The following NLRP7 variants were observed in gnomAD, a reference collection of about 807,000 sequenced individuals.
The protein encoded by NLRP7 is NLR family pyrin domain containing 7, also known as NACHT, LRR and PYD domains-containing protein 7.
Under a neutral mutation model 85.5 loss-of-function variants are expected in NLRP7, and 72 were observed. The observed-to-expected ratio is 0.84, with a 90% CI of 0.70 to 1.02. The LOEUF is 1.02. Among genes scored for constraint, NLRP7 ranks in the 50% least tolerant of loss-of-function variants. The pLI is 0.00. For missense variants in NLRP7, 1,243 were observed against 1,219.5 expected, an observed-to-expected ratio of 1.02 and a Z score of -0.29; for synonymous variants, 550 against 505.2, an observed-to-expected ratio of 1.09 and a Z score of -1.19.
chr19:54,960,769 T>A (rs930735090), intron 1 of NLRP7, among the ~76,000 whole-genome samples: 1 of 151,246 alleles, frequency 6.6e-6, no homozygotes, highest in Non-Finnish European at 1.5e-5. Flanking sequence ...CTAATTTTTT[T>A]AATTTTTAGT....
rs1291729680 is a variant in NLRP7, at chr19:54,964,238, A to T, written c.-77+1802T>A. 1.1e-4 allele frequency among the ~76,000 whole-genome samples: 9 copies of T among 82,494 alleles called. No homozygotes were observed. In the South Asian group the frequency reaches 3.2e-3, roughly 30 times the overall value. The allele number at this position is 82,494 out of a possible 152,430, so 54.1% of individuals were successfully genotyped here. Reference sequence around the variant, plus strand: ...TTTTTTTTTTTTTTTTTTTTTTGAGATGGAGCCTTGCTCTGTCGCCCAGGC... The same window carrying T: ...TTTTTTTTTTTTTTTTTTTTTTGAGTTGGAGCCTTGCTCTGTCGCCCAGGC... On this transcript the variant is annotated intron_variant, in intron 1 of 2. Transcript: ENST00000587103.
upstream of NLRP7, chr19:54,947,872 C>A: frequency 4.2e-6 from 1 of 239,740 alleles, no homozygotes; most frequent in South Asian, 4.4e-5. Flanking sequence ...AAAAATTAAA[C>A]AAAAATAAAT....
At chr19:54,938,955 G>C (rs1467510428) in exon 4 of NLRP7, 4 of 1,614,012 alleles carry the variant, frequency 2.5e-6, no homozygotes, top group Non-Finnish European at 3.4e-6. Flanking sequence ...GCTACCTGCA[G>C]TGAGAGTTTC....
chr19:54,947,595 C>T (rs2069530930), upstream of NLRP7: 3 of 1,289,628 alleles, frequency 2.3e-6, no homozygotes, highest in Middle Eastern at 4.3e-4. Context: ...GGAACCGCCC[C>T]ACTGAGATTA....
chr19:54,935,561 T>C (rs1248552588), intron 6 of NLRP7, among the ~76,000 whole-genome samples: 1 of 148,556 alleles, frequency 6.7e-6, no homozygotes, highest in Admixed American at 6.7e-5. Context: ...CCAGGCGTGG[T>C]GGTGCACGCC....
intron 1 of NLRP7, among the ~76,000 whole-genome samples, chr19:54,964,217 T>G (rs1367743593): frequency 1.6e-5 from 2 of 125,554 alleles, no homozygotes; most frequent in Admixed American, 8.2e-5. Flanking sequence ...TGGTGTTTTT[T>G]TTTTTTTTTT....
upstream of NLRP7, among the ~76,000 whole-genome samples, chr19:54,949,603 C>T (rs991837868): frequency 6.6e-6 from 1 of 152,022 alleles, no homozygotes; most frequent in African/African-American, 2.4e-5. Context: ...AATGAGGTGA[C>T]TTTTGGAAAG....
In NLRP7 at chr19:54,939,188, G is replaced by A. The variant is rs2069085970; in HGVS notation, c.1631C>T (p.Pro544Leu). The A allele has an allele frequency of 5.0e-6, 8 of 1,614,208 alleles. No individual in the cohort carries two copies. The highest frequency in any genetic ancestry group is 3.3e-5 in the South Asian group (3 of 91,082). The change falls in exon 4 of 10, where the codon CCG becomes CTG. Residue 544 changes from proline to leucine, a missense_variant. Around this residue, in one of 3 missense-constraint regions of NLRP7, gnomAD observed 613 missense variants for 588.4 expected, o/e 1.04. Transcript: ENST00000340844. Reference sequence around the variant, plus strand: ...TTGCAGCAATTCCTGTTTGATGTCCGGTGACATCCGGCAGCCAAAAGTGGC... The same window carrying A: ...TTGCAGCAATTCCTGTTTGATGTCCAGTGACATCCGGCAGCCAAAAGTGGC...
At chr19:54,931,098 G>A (rs1478985566) in intron 8 of NLRP7, among the ~76,000 whole-genome samples, 1 of 152,158 alleles carries the variant, frequency 6.6e-6, no homozygotes, top group Admixed American at 6.5e-5. Context: ...ATGAACTGGA[G>A]CTATATACTT....
At chr19:54,940,696 C>T (rs922865483) in intron 3 of NLRP7, among the ~76,000 whole-genome samples, 5 of 151,794 alleles carry the variant, frequency 3.3e-5, no homozygotes, top group African/African-American at 4.8e-5. Context: ...GGGGTAGTGG[C>T]GGCCGCCTGT....
At chr19:54,940,344 G>T in exon 4 of NLRP7, 1 of 1,614,198 alleles carries the variant, frequency 6.2e-7, no homozygotes, top group Non-Finnish European at 8.5e-7. Flanking sequence ...TTCAAGAATG[G>T]AATGAACCGT....
intron 1 of NLRP7, among the ~76,000 whole-genome samples, chr19:54,964,729 G>T (rs1756105116): frequency 6.9e-6 from 1 of 144,408 alleles, no homozygotes; most frequent in Non-Finnish European, 1.5e-5. Context: ...GGGAGGCTGA[G>T]GCAGGGGAAT....
rs886054631 is a variant in NLRP7 at position 54,923,557 on chromosome 19, C to T, written c.*183G>A. 4.3e-6 allele frequency: 3 copies of T among 697,330 alleles called. No individual in the cohort carries two copies. Among genetic ancestry groups the T allele is most frequent in the Admixed American group, 2.2e-5 (1 of 45,512 alleles). The allele number at this position is 697,330 out of a possible 1,614,324, so 43.2% of individuals were successfully genotyped here. A position where few individuals can be genotyped will look rare whatever the true frequency, so the allele number is the denominator to read the frequency against. On this transcript the variant is annotated 3_prime_UTR_variant, in exon 10 of 10. Coordinates refer to ENST00000340844, the Ensembl canonical transcript of NLRP7. ...ATTATCCCTGTGAGAAAGTACATAG[C>T]GTCATGTGAAGGGGGTGCGTGACTC...
At chr19:54,935,555 G>C (rs2068877628) in intron 6 of NLRP7, among the ~76,000 whole-genome samples, 1 of 150,192 alleles carries the variant, frequency 6.7e-6, no homozygotes, top group South Asian at 2.1e-4. Context: ...CATTTGCCAG[G>C]CGTGGTGGTG....
At chr19:54,925,654 CAGAAA>C (rs1237624313) in intron 9 of NLRP7, among the ~76,000 whole-genome samples, 6 of 152,140 alleles carry the variant, frequency 3.9e-5, no homozygotes, top group African/African-American at 7.2e-5. Context: ...AACGTTGTCT[CAGAAA>C]AGAAAAGACA....
At chr19:54,949,274 T>TA (rs11414677), upstream of NLRP7, among the ~76,000 whole-genome samples, 12,201 of 131,916 alleles carry the variant, frequency 0.092, 648 homozygotes, top group African/African-American at 0.16. Context: ...ACTCCATCTT[T>TA]AAAAAAAAAA....
At chr19:54,939,458 A>T (rs569307394) in exon 4 of NLRP7, 1 of 1,613,406 alleles carries the variant, frequency 6.2e-7, no homozygotes, top group African/African-American at 1.3e-5. Context: ...GTCCTGGCGG[A>T]GGATGTCTCC....
At chr19:54,929,422 G>C (rs1268380345) in intron 9 of NLRP7, among the ~76,000 whole-genome samples, 1 of 152,124 alleles carries the variant, frequency 6.6e-6, no homozygotes, top group Admixed American at 6.6e-5. Context: ...CTACAGCAAA[G>C]CTAAGTAGTA....
rs535283533 is a variant in NLRP7 at position 54,934,572 on chromosome 19, G to C, written c.2388C>G (p.Leu796=). ...CCTCATCCAGGAGCACATTGGCTGA[G>C]AGACGCAGGTGCTTCAGGGACTGGT... Residue 796 remains leucine, a synonymous_variant, in exon 7 of 10, where the codon CTC becomes CTG. Transcript: ENST00000340844. The surrounding 1 kb of genome is among the most constrained non-coding windows in gnomAD (Gnocchi z 6.7). 77 of 1,614,148 alleles carry C rather than the reference G, an allele frequency of 4.8e-5. 1 individual carries two copies. The South Asian group carries it at 7.1e-4, about 15-fold the overall frequency.
Sources: allele counts gnomAD v4.1 joint callset (sites outside exome capture counted in the v4.1 genomes callset), GRCh38; gene constraint gnomAD v4.1.1; regional missense constraint gnomAD v4.1.1; non-coding constraint Gnocchi (gnomAD v3.1); transcripts MANE v1.5; gene names NCBI Gene and HGNC (gene_info 2026-07-23, HGNC 2026-07-21).